Variants in COL23A1 observed in about 807,000 individuals in gnomAD.
COL23A1 encodes the protein collagen type XXIII alpha 1 chain, also known as collagen alpha-1(XXIII) chain.
In COL23A1, 97 loss-of-function variants were observed where a neutral mutation model predicts 99.3. That is an observed-to-expected ratio of 0.98 (90% confidence interval 0.83 to 1.16). The LOEUF is 1.16. Among genes scored for constraint, COL23A1 ranks in the 50% most tolerant of loss-of-function variants. The pLI is 0.00. For missense variants in COL23A1, 762 were observed against 757.4 expected, an observed-to-expected ratio of 1.01 and a Z score of -0.07; for synonymous variants, 320 against 308.2, an observed-to-expected ratio of 1.04 and a Z score of -0.40.
chr5:178,326,850 G>A (rs893546219), intron 2 of COL23A1, among the ~76,000 whole-genome samples: 1 of 152,214 alleles, frequency 6.6e-6, no homozygotes, highest in African/African-American at 2.4e-5. Flanking sequence ...CTCCTGGGTA[G>A]CTGGGACTAC....
intron 2 of COL23A1, among the ~76,000 whole-genome samples, chr5:178,388,465 A>G (rs1191794122): frequency 2.0e-5 from 3 of 152,172 alleles, no homozygotes; most frequent in African/African-American, 7.2e-5. Context: ...ACATTTACTT[A>G]AGCAATGCTG....
chr5:178,422,545 TC>T (rs1409590018), intron 2 of COL23A1, among the ~76,000 whole-genome samples: 3 of 151,536 alleles, frequency 2.0e-5, no homozygotes, highest in Non-Finnish European at 1.5e-5. Flanking sequence ...AGGCACATCA[TC>T]CCCCCGCTGT....
intron 19 of COL23A1, among the ~76,000 whole-genome samples, chr5:178,248,590 G>C (rs1469952186): frequency 1.3e-5 from 2 of 152,132 alleles, no homozygotes; most frequent in Non-Finnish European, 2.9e-5. Flanking sequence ...CAGTGGTGGC[G>C]TAACAGCTGG....
intron 11 of COL23A1, among the ~76,000 whole-genome samples, chr5:178,261,008 AC>A (rs751910645): frequency 0.2 from 29,858 of 152,180 alleles, 3,220 homozygotes; most frequent in Middle Eastern, 0.28. Context: ...GTCTGTCCAC[AC>A]AGGTGGGTCA....
intron 2 of COL23A1, among the ~76,000 whole-genome samples, chr5:178,517,568 G>GTTTTTTTTTTTTTTTT (rs70997606): frequency 2.8e-5 from 3 of 108,254 alleles, no homozygotes; most frequent in Admixed American, 1.1e-4. Context: ...TTTTTTTTTT[G>GTTTTTTTTTTTTTTTT]TTTTTTTTTT....
chr5:178,584,911 A>C (rs1338490631), intron 1 of COL23A1, among the ~76,000 whole-genome samples: 2 of 152,042 alleles, frequency 1.3e-5, no homozygotes, highest in African/African-American at 4.8e-5. Flanking sequence ...CATTCTTTGC[A>C]TGTGCTATGA....
In COL23A1 at chr5:178,563,915, T is replaced by C. The variant is rs546598285; in HGVS notation, c.295-3167A>G. 1.2e-4 allele frequency among the ~76,000 whole-genome samples: 19 copies of C among 152,332 alleles called. 1 individual carries two copies. In the South Asian group the frequency reaches 3.9e-3, roughly 32 times the overall value. On this transcript the variant is annotated intron_variant, in intron 1 of 28. Transcript: ENST00000390654. ...TTGGAGAAGAAACCCAACATTTTAG[T>C]TTAAGCCAGTCAACCTGTGTAAGAA...
chr5:178,576,676 T>C (rs956536837), intron 1 of COL23A1, among the ~76,000 whole-genome samples: 10 of 151,962 alleles, frequency 6.6e-5, no homozygotes, highest in Non-Finnish European at 7.4e-5. Context: ...CTGTTCCTGA[T>C]CCTCGAACTC....
At position 178,255,859 on chromosome 5, in the gene COL23A1, C is replaced by T. The variant is rs577434125; in HGVS notation, c.882+494G>A. ...GCCAGCCTCTGGGAGCATGAGGAGA[C>T]AGAGCCGAGGCCAGGATCCCGGACG... On this transcript the variant is annotated intron_variant, in intron 15 of 28. Coordinates refer to ENST00000390654, the MANE Select transcript of COL23A1 (RefSeq NM_173465.4). This position sits in a 1 kb window ranked among gnomAD's most constrained non-coding sequence, Gnocchi z 4.2. 3.9e-5 allele frequency: 16 copies of T among 410,282 alleles called. No homozygotes were observed. Among genetic ancestry groups the T allele is most frequent in the Non-Finnish European group, 8.0e-5 (16 of 200,172 alleles). 25.4% of individuals were successfully genotyped at this position (410,282 alleles called of 1,614,324 possible). A position where few individuals can be genotyped will look rare whatever the true frequency, so the allele number is the denominator to read the frequency against.
chr5:178,494,505 T>C (rs1190168556), intron 2 of COL23A1, among the ~76,000 whole-genome samples: 3 of 152,176 alleles, frequency 2.0e-5, no homozygotes, highest in South Asian at 4.1e-4. Flanking sequence ...GGTGAAACCC[T>C]GTCTTTACTA....
intron 2 of COL23A1, among the ~76,000 whole-genome samples, chr5:178,472,533 G>T (rs1396267603): frequency 6.6e-6 from 1 of 152,122 alleles, no homozygotes; most frequent in Non-Finnish European, 1.5e-5. Flanking sequence ...TATACATTAT[G>T]AAAGGTAAGG....
rs565788072 is a variant in COL23A1 at position 178,391,334 on chromosome 5, C to T, written c.362-84415G>A. Among the ~76,000 whole-genome samples the T allele has an allele frequency of 3.9e-5, 6 of 152,274 alleles. No homozygotes were observed. The East Asian group carries it at 1.2e-3, about 29-fold the overall frequency. On this transcript the variant is annotated intron_variant, in intron 2 of 28. Transcript: ENST00000390654. ...GCCATGGAATGGCAGAAAATATTTG[C>T]AAATCATATATCCGATAAGGGACCT... is the stretch of plus-strand genomic sequence containing the variant.
At chr5:178,270,794 C>T (rs1309604819) in intron 5 of COL23A1, among the ~76,000 whole-genome samples, 1 of 152,154 alleles carries the variant, frequency 6.6e-6, no homozygotes, top group East Asian at 1.9e-4. Context: ...CACCACATGG[C>T]TTGAGAATAA....
rs908782012 is a variant in COL23A1, at chr5:178,310,705, G to T, written c.362-3786C>A. Among the ~76,000 whole-genome samples the T allele has an allele frequency of 1.5e-4, 23 of 152,158 alleles. No homozygotes were observed. The highest frequency in any genetic ancestry group is 2.8e-4 in the Non-Finnish European group (19 of 68,028). ...TTGCTGGGGCTGGCTGTGCCCCAGG[G>T]CATCTGGGCCTGGTGTGGAGCAGGT... On this transcript the variant is annotated intron_variant, in intron 2 of 28. Transcript: ENST00000390654. This position sits in a 1 kb window ranked among gnomAD's most constrained non-coding sequence, Gnocchi z 4.3.
chr5:178,481,652 C>T (rs10052125), intron 2 of COL23A1, among the ~76,000 whole-genome samples: 1,987 of 152,020 alleles, frequency 0.013, 52 homozygotes, highest in African/African-American at 0.045. Flanking sequence ...ATTAGGGAAA[C>T]GTAAATCAAA....
chr5:178,556,793 A>G (rs181424174), intron 2 of COL23A1, among the ~76,000 whole-genome samples: 1 of 151,696 alleles, frequency 6.6e-6, no homozygotes, highest in African/African-American at 2.4e-5. Context: ...TCTCTACTAA[A>G]AAAACAAAAA....
At chr5:178,571,455 G>A (rs775375375) in intron 1 of COL23A1, among the ~76,000 whole-genome samples, 31 of 152,072 alleles carry the variant, frequency 2.0e-4, no homozygotes, top group Admixed American at 3.3e-4. Flanking sequence ...TTAACCCTAG[G>A]GCCTAGGTGA....
At position 178,590,349 on chromosome 5, in the gene COL23A1, C is replaced by T; in HGVS notation, c.-152G>A. Reference sequence around the variant, plus strand: ...AGCAGCGGATCGCCGCGCACGCCCCCTTCGCCGCAGCCAGCTCCTCCACAG... The same window carrying T: ...AGCAGCGGATCGCCGCGCACGCCCCTTTCGCCGCAGCCAGCTCCTCCACAG... On this transcript the variant is annotated 5_prime_UTR_variant, in exon 1 of 29. Coordinates refer to ENST00000390654, the MANE Select transcript of COL23A1 (RefSeq NM_173465.4). This position sits in a 1 kb window ranked among gnomAD's most constrained non-coding sequence, Gnocchi z 5.7. 1.6e-6 allele frequency: 1 copy of T among 608,502 alleles called. No homozygotes were observed. The highest frequency in any genetic ancestry group is 2.3e-6 in the Non-Finnish European group (1 of 441,018). The allele number at this position is 608,502 out of a possible 1,614,324, so 37.7% of individuals were successfully genotyped here.
chr5:178,524,383 A>C (rs1760192949), intron 2 of COL23A1, among the ~76,000 whole-genome samples: 1 of 152,214 alleles, frequency 6.6e-6, no homozygotes, highest in Non-Finnish European at 1.5e-5. Context: ...CTCTTATGAG[A>C]ATAACTGGGT....
Sources: allele counts gnomAD v4.1 joint callset (sites outside exome capture counted in the v4.1 genomes callset), GRCh38; gene constraint gnomAD v4.1.1; non-coding constraint Gnocchi (gnomAD v3.1); transcripts MANE v1.5; gene names NCBI Gene and HGNC (gene_info 2026-07-23, HGNC 2026-07-21).